HECW2: variants seen among roughly 807,000 people sequenced by gnomAD.
The protein encoded by HECW2 is HECT, C2 and WW domain containing E3 ubiquitin protein ligase 2.
Under a neutral mutation model 175.2 loss-of-function variants are expected in HECW2, and 61 were observed. That is an observed-to-expected ratio of 0.35 (90% CI 0.28 to 0.43). The LOEUF (loss-of-function observed/expected upper bound fraction) is 0.43. Ranked by LOEUF, HECW2 falls within the 20% of genes least tolerant of loss-of-function variation. HECW2 has a pLI of 1.00. For synonymous variants in HECW2, 671 were observed against 731.0 expected (o/e 0.92, Z 1.32); for missense variants, 1,524 against 2,000.5 (o/e 0.76, Z 4.54).
chr2:196,373,901 G>A (rs923441588), intron 2 of HECW2, among the ~76,000 whole-genome samples: 46 of 151,246 alleles, frequency 3.0e-4, no homozygotes, highest in Admixed American at 1.6e-3. Context: ...GCGTAGTGGC[G>A]GGCGCCTGTA....
intron 1 of HECW2, among the ~76,000 whole-genome samples, chr2:196,442,315 C>T (rs1038827313): frequency 6.6e-6 from 1 of 152,068 alleles, no homozygotes; most frequent in Admixed American, 6.6e-5. Context: ...ACTAAAACAT[C>T]AACATTGAAA....
At chr2:196,236,577 C>G (rs993104168) in intron 21 of HECW2, among the ~76,000 whole-genome samples, 1 of 152,158 alleles carries the variant, frequency 6.6e-6, no homozygotes, top group African/African-American at 2.4e-5. Flanking sequence ...TACAGGAAAC[C>G]ACATTACATT....
chr2:196,339,443 T>A (rs937710010), intron 3 of HECW2, among the ~76,000 whole-genome samples: 3 of 152,236 alleles, frequency 2.0e-5, no homozygotes, highest in African/African-American at 7.2e-5. Flanking sequence ...TGTTTTGTCA[T>A]ATTCCTCAAT....
chr2:196,545,050 C>A lies in HECW2; in HGVS notation c.-36+48458G>T, dbSNP rs552967263. On this transcript the variant is annotated intron_variant, in intron 1 of 28. Transcript: ENST00000644978. ...GTGGATGTGTGTGTGTGTGATCACA[C>A]ATACCCAAACACAAAGAATGCTAAT... 1.1e-4 allele frequency among the ~76,000 whole-genome samples: 17 copies of A among 152,298 alleles called. No individual in the cohort carries two copies. In the South Asian group the frequency reaches 3.3e-3, roughly 30 times the overall value.
At chr2:196,440,479 C>T (rs1022327673) in intron 1 of HECW2, among the ~76,000 whole-genome samples, 3 of 152,096 alleles carry the variant, frequency 2.0e-5, no homozygotes, top group Non-Finnish European at 2.9e-5. Context: ...TGCAAAGTCA[C>T]ATAAAAATGA....
At chr2:196,297,876 G>C (rs1168225772) in intron 13 of HECW2, among the ~76,000 whole-genome samples, 1 of 152,138 alleles carries the variant, frequency 6.6e-6, no homozygotes, top group Non-Finnish European at 1.5e-5. Flanking sequence ...TATACAGTCT[G>C]TCTTCATAAT....
intron 2 of HECW2, among the ~76,000 whole-genome samples, chr2:196,367,289 A>G (rs1461079904): frequency 1.3e-5 from 2 of 152,338 alleles, no homozygotes; most frequent in African/African-American, 2.4e-5. Flanking sequence ...AGAGCAAATT[A>G]CAGAAATTGT....
At chr2:196,533,712 C>G (rs1226386618) in intron 1 of HECW2, among the ~76,000 whole-genome samples, 8 of 152,098 alleles carry the variant, frequency 5.3e-5, no homozygotes, top group African/African-American at 1.9e-4. Context: ...TTAAACTAGC[C>G]TGACTTTTTT....
At position 196,195,476 on chromosome 2, in the gene HECW2, A is replaced by C. The variant is rs1039890340; in HGVS notation, c.*5801T>G. 1 of 151,938 alleles carries C rather than the reference A, an allele frequency of 6.6e-6. No homozygotes were observed. Among genetic ancestry groups the C allele is most frequent in the Non-Finnish European group, 1.5e-5 (1 of 67,970 alleles). The allele number at this position is 151,938 out of a possible 1,614,324, so 9.4% of individuals were successfully genotyped here. A position where few individuals can be genotyped will look rare whatever the true frequency, so the allele number is the denominator to read the frequency against. On this transcript the variant is annotated 3_prime_UTR_variant, in exon 29 of 29. Transcript: ENST00000644978. ...TCTTATTCTGCTGAGCTGTTCAATT[A>C]CGAAAGCCAAATAAACGACTCTGCA...
chr2:196,548,028 C>T (rs1689480648), intron 1 of HECW2, among the ~76,000 whole-genome samples: 1 of 152,072 alleles, frequency 6.6e-6, no homozygotes, highest in Non-Finnish European at 1.5e-5. Flanking sequence ...TTAAGTAACA[C>T]CAGTAAGAAA....
At chr2:196,211,026 A>C (rs1687264112) in intron 28 of HECW2, among the ~76,000 whole-genome samples, 2 of 152,212 alleles carry the variant, frequency 1.3e-5, no homozygotes. Context: ...TAAGACATCT[A>C]TTTCATAATT....
intron 16 of HECW2, among the ~76,000 whole-genome samples, chr2:196,272,480 C>A (rs1479625211): frequency 6.6e-6 from 1 of 152,148 alleles, no homozygotes; most frequent in East Asian, 1.9e-4. Context: ...AGAACTAGGA[C>A]AGAGTGTCTA....
chr2:196,246,234 G>A (rs1470421285), intron 19 of HECW2, among the ~76,000 whole-genome samples: 1 of 152,214 alleles, frequency 6.6e-6, no homozygotes, highest in African/African-American at 2.4e-5. Context: ...CACAATCAGT[G>A]TCAGTGCTCC....
intron 19 of HECW2, among the ~76,000 whole-genome samples, chr2:196,246,225 ACAAT>A (rs1421375502): frequency 1.3e-5 from 2 of 152,320 alleles, no homozygotes; most frequent in South Asian, 4.1e-4. Flanking sequence ...CAAGGGTGGC[ACAAT>A]CAGTGTCAGT....
intron 2 of HECW2, among the ~76,000 whole-genome samples, chr2:196,365,064 CA>C (rs1450168666): frequency 6.6e-6 from 1 of 152,200 alleles, no homozygotes; most frequent in East Asian, 1.9e-4. Context: ...TTACAGTTTT[CA>C]ACATTCAAAG....
At chr2:196,382,242 T>C (rs897672273) in intron 2 of HECW2, among the ~76,000 whole-genome samples, 10 of 151,792 alleles carry the variant, frequency 6.6e-5, no homozygotes, top group African/African-American at 2.4e-4. Context: ...TATATATATA[T>C]ATATACATGT....
At chr2:196,306,808 G>T (rs918118554) in intron 12 of HECW2, among the ~76,000 whole-genome samples, 196 bp from the exon 13 acceptor site, 1 of 149,530 alleles carries the variant, frequency 6.7e-6, no homozygotes, top group Non-Finnish European at 1.5e-5. Flanking sequence ...CTAAAATTCA[G>T]TTAAGTAATA....
At chr2:196,490,066 T>C (rs190623766) in intron 1 of HECW2, among the ~76,000 whole-genome samples, 1 of 152,254 alleles carries the variant, frequency 6.6e-6, no homozygotes, top group Admixed American at 6.5e-5. Context: ...AGCCTTACCT[T>C]CCCACACTCA....
chr2:196,387,673 G>C (rs1435828994), intron 2 of HECW2, among the ~76,000 whole-genome samples: 1 of 152,066 alleles, frequency 6.6e-6, no homozygotes, highest in Non-Finnish European at 1.5e-5. Context: ...AATATGCATA[G>C]ATATATCTAC....
Sources: allele counts gnomAD v4.1 joint callset (sites outside exome capture counted in the v4.1 genomes callset), GRCh38; gene constraint gnomAD v4.1.1; transcripts MANE v1.5; gene names NCBI Gene and HGNC (gene_info 2026-07-23, HGNC 2026-07-21).